RYR2: variants seen among roughly 807,000 people sequenced by gnomAD.
The protein encoded by RYR2 is ryanodine receptor 2.
RYR2 carries 227 observed loss-of-function variants against 601.1 expected under a neutral mutation model. The observed-to-expected ratio is 0.38, with a 90% CI of 0.34 to 0.42. RYR2 has a LOEUF of 0.42. RYR2 is among the 10% of genes least tolerant of loss of function. The pLI, the probability that RYR2 is intolerant of heterozygous loss-of-function variation, is 1.00. For missense variants in RYR2, 4,646 were observed against 6,156.5 expected, an observed-to-expected ratio of 0.75 and a Z score of 8.21; for synonymous variants, 2,223 against 2,175.1, an observed-to-expected ratio of 1.02 and a Z score of -0.61.
At chr1:237,298,477 G>A (rs970612643) in intron 2 of RYR2, among the ~76,000 whole-genome samples, 1 of 152,052 alleles carries the variant, frequency 6.6e-6, no homozygotes, top group African/African-American at 2.4e-5. Context: ...GGAATGTGTG[G>A]CTGAAATACA....
chr1:237,734,418 C>A (rs1356118756), intron 79 of RYR2, among the ~76,000 whole-genome samples: 1 of 152,156 alleles, frequency 6.6e-6, no homozygotes, highest in African/African-American at 2.4e-5. Flanking sequence ...TCACCTCCCA[C>A]CTTGTCCCTC....
At chr1:237,107,321 A>G (rs1240825978) in intron 1 of RYR2, among the ~76,000 whole-genome samples, 2 of 151,466 alleles carry the variant, frequency 1.3e-5, no homozygotes, top group Admixed American at 1.3e-4. Flanking sequence ...GGAGATCGAG[A>G]CCATCCTGGC....
At chr1:237,754,624 ACT>A (rs1692794862) in intron 80 of RYR2, among the ~76,000 whole-genome samples, 1 of 151,722 alleles carries the variant, frequency 6.6e-6, no homozygotes, top group Non-Finnish European at 1.5e-5. Context: ...TTACTGAAAA[ACT>A]CTCTCACAAA....
At chr1:237,494,939 C>T (rs186747327) in intron 19 of RYR2, among the ~76,000 whole-genome samples, 2 of 151,680 alleles carry the variant, frequency 1.3e-5, no homozygotes, top group African/African-American at 4.9e-5. Flanking sequence ...TACAGGTGCA[C>T]ACCACCACAC....
chr1:237,325,271 T>C (rs184157470), intron 2 of RYR2, among the ~76,000 whole-genome samples: 8 of 152,338 alleles, frequency 5.3e-5, no homozygotes, highest in Non-Finnish European at 1.0e-4. Flanking sequence ...TATCAGTAAA[T>C]TTAAAAATGG....
chr1:237,177,476 C>T (rs974457225), intron 1 of RYR2, among the ~76,000 whole-genome samples: 3 of 152,122 alleles, frequency 2.0e-5, no homozygotes, highest in African/African-American at 7.2e-5. Flanking sequence ...CTCTTGCTTT[C>T]CTATTTTTTA....
intron 25 of RYR2, among the ~76,000 whole-genome samples, chr1:237,539,667 A>G (rs536416462): frequency 6.6e-6 from 1 of 152,238 alleles, no homozygotes; most frequent in East Asian, 1.9e-4. Flanking sequence ...AGGGAGAGGG[A>G]CAATACACAC....
chr1:237,236,334 A>G (rs1022308417), intron 1 of RYR2, among the ~76,000 whole-genome samples: 8 of 96,608 alleles, frequency 8.3e-5, no homozygotes, highest in Admixed American at 2.9e-4. Flanking sequence ...CAGTGTTATC[A>G]TTAATTTTTT....
At chr1:237,428,314 G>A (rs1271447767) in intron 12 of RYR2, among the ~76,000 whole-genome samples, 2 of 152,106 alleles carry the variant, frequency 1.3e-5, no homozygotes, top group Admixed American at 6.6e-5. Flanking sequence ...GTTTATTGCA[G>A]CACTATTCAC....
At chr1:237,494,683 G>A (rs1455605307) in intron 19 of RYR2, among the ~76,000 whole-genome samples, 1 of 152,176 alleles carries the variant, frequency 6.6e-6, no homozygotes, top group Non-Finnish European at 1.5e-5. Flanking sequence ...ACAAAACGCT[G>A]TGTGTGATAG....
Position 237,347,888 on chromosome 1 carries a change from C to T in RYR2, c.274-8077C>T, listed in dbSNP as rs533655962. On this transcript the variant is annotated intron_variant, in intron 3 of 104. Coordinates refer to ENST00000366574, the MANE Select transcript of RYR2 (RefSeq NM_001035.3). ...GAGGCATTAGAAACTTCTGAGGTAG[C>T]GAGGACTTGAAGAGACCTAAATCCC... 6.6e-5 allele frequency among the ~76,000 whole-genome samples: 10 copies of T among 152,126 alleles called. No individual in the cohort carries two copies. The East Asian group carries it at 1.5e-3, about 24-fold the overall frequency.
intron 1 of RYR2, among the ~76,000 whole-genome samples, chr1:237,223,781 C>T (rs1684077585): frequency 6.6e-6 from 1 of 152,122 alleles, no homozygotes. Flanking sequence ...AAGAGCAGGT[C>T]TGAGTAATTA....
chr1:237,832,215 T>G (rs373372970), intron 104 of RYR2, among the ~76,000 whole-genome samples: 50 of 144,472 alleles, frequency 3.5e-4, no homozygotes, highest in African/African-American at 7.8e-4. Context: ...TTTTTTGTGT[T>G]TTTTTTTTTT....
intron 89 of RYR2, among the ~76,000 whole-genome samples, chr1:237,782,676 C>CA (rs1695222193): frequency 1.3e-5 from 2 of 152,202 alleles, no homozygotes; most frequent in Non-Finnish European, 2.9e-5. Flanking sequence ...ACAATAATAA[C>CA]TGCAGTAGCA....
intron 77 of RYR2, 37 bp downstream of exon 77, chr1:237,730,393 C>A (rs12096805): frequency 1.7e-6 from 2 of 1,148,022 alleles, no homozygotes; most frequent in South Asian, 1.2e-5. Flanking sequence ...GAAAGAGGGT[C>A]TAGGCTTGGT....
intron 1 of RYR2, among the ~76,000 whole-genome samples, chr1:237,208,900 C>T (rs1682121167): frequency 7.2e-6 from 1 of 139,078 alleles, no homozygotes; most frequent in African/African-American, 2.6e-5. Flanking sequence ...AACTACCCTA[C>T]TACTCTCTCT....
chr1:237,822,811 C>G (rs182354516), intron 101 of RYR2, among the ~76,000 whole-genome samples: 1 of 152,182 alleles, frequency 6.6e-6, no homozygotes, highest in African/African-American at 2.4e-5. Context: ...CACACATGGG[C>G]TTAAAATAAA....
intron 1 of RYR2, among the ~76,000 whole-genome samples, chr1:237,143,992 G>A (rs1673683172): frequency 6.6e-6 from 1 of 152,140 alleles, no homozygotes; most frequent in Admixed American, 6.6e-5. Flanking sequence ...AGCTGCGCAT[G>A]GTGACATGCG....
At chr1:237,273,819 C>A (rs1465103880) in intron 2 of RYR2, among the ~76,000 whole-genome samples, 1 of 148,788 alleles carries the variant, frequency 6.7e-6, no homozygotes, top group Non-Finnish European at 1.5e-5. Flanking sequence ...GCCCAAACTT[C>A]CTAAACAAAA....
Sources: gnomAD v4.1 joint callset for allele counts (sites outside exome capture counted in the v4.1 genomes callset) on GRCh38, gnomAD v4.1.1 for gene constraint, MANE v1.5 for transcripts, NCBI Gene and HGNC (gene_info 2026-07-23, HGNC 2026-07-21) for gene names.